SOAT2: variants seen among roughly 807,000 people sequenced by gnomAD.
The protein encoded by SOAT2 is ACAT-2.
SOAT2 carries 87 observed loss-of-function variants against 76.0 expected under a neutral mutation model. That is an observed-to-expected ratio of 1.14 (90% confidence interval 0.96 to 1.37). The LOEUF (loss-of-function observed/expected upper bound fraction) is 1.37. SOAT2 is among the 40% of genes most tolerant of loss of function. The pLI is 0.00. For synonymous variants in SOAT2, 285 were observed against 275.4 expected (o/e 1.03, Z -0.34); for missense variants, 686 against 682.1 (o/e 1.01, Z -0.06).
rs754354832 is a variant in SOAT2, at chr12:53,120,872, A to G, written c.1126A>G (p.Met376Val). 1.2e-6 allele frequency: 2 copies of G among 1,613,504 alleles called. No individual in the cohort carries two copies. Among genetic ancestry groups the G allele is most frequent in the South Asian group, 2.2e-5 (2 of 91,058 alleles). Residue 376 changes from methionine to valine, a missense_variant, in exon 11 of 15, where the codon ATG (methionine) becomes GTG (valine). Physicochemically the swap from Met to Val is conservative, Grantham distance 21 (BLOSUM62 1). Transcript: ENST00000301466. ...FAEMLRFGDR[M>V]FYRDWWNSTS... ...CGAGATGCTACGATTTGGAGACAGG[A>G]TGTTCTACCGGGTGGGGCCTGGACC...
At chr12:53,120,253 A>C (rs1324146984) in intron 10 of SOAT2, among the ~76,000 whole-genome samples, 3 of 152,138 alleles carry the variant, frequency 2.0e-5, no homozygotes, top group Non-Finnish European at 4.4e-5. Context: ...GTGGATCACG[A>C]GGTCAGGAGA....
At chr12:53,110,940 T>A (rs559053738) in intron 5 of SOAT2, among the ~76,000 whole-genome samples, 1 of 152,298 alleles carries the variant, frequency 6.6e-6, no homozygotes, top group South Asian at 2.1e-4. Context: ...AAAAATTAGT[T>A]ACTCTTTAAA....
chr12:53,108,979 C>CAG, intron 5 of SOAT2, among the ~76,000 whole-genome samples: 1 of 152,246 alleles, frequency 6.6e-6, no homozygotes, highest in Non-Finnish European at 1.5e-5. Flanking sequence ...TGGCTCATGC[C>CAG]TGTAATCCCA....
At position 53,103,500 on chromosome 12, in the gene SOAT2, C is replaced by T. The variant is rs1937870192; in HGVS notation, c.-78C>T. ...TCACCTGAGCTGAGTGGGACAAGAGCTCTACAGGGCAGGCCACACTGCGAA... is the reference window on the plus strand; with the variant it reads ...TCACCTGAGCTGAGTGGGACAAGAGTTCTACAGGGCAGGCCACACTGCGAA... On this transcript the variant is annotated 5_prime_UTR_variant, in exon 1 of 15. Transcript: ENST00000301466. 1 of 1,305,754 alleles carries T rather than the reference C, an allele frequency of 7.7e-7. No homozygotes were observed. The highest frequency in any genetic ancestry group is 1.5e-5 in the African/African-American group (1 of 68,482). 80.9% of individuals were successfully genotyped at this position (1,305,754 alleles called of 1,614,324 possible). A position where few individuals can be genotyped will look rare whatever the true frequency, so the allele number is the denominator to read the frequency against.
intron 7 of SOAT2, 138 bp from the exon 8 acceptor site, chr12:53,118,212 G>A (rs922061048): frequency 7.8e-6 from 5 of 636,996 alleles, no homozygotes; most frequent in African/African-American, 1.8e-5. Flanking sequence ...CAGGTCCTAC[G>A]TCCAGCTCCT....
intron 5 of SOAT2, 31 bp from the exon 6 acceptor site, chr12:53,115,359 G>A (rs750434953): frequency 9.7e-5 from 151 of 1,557,646 alleles, no homozygotes; most frequent in Middle Eastern, 1.7e-4. Context: ...GGCTTCACTT[G>A]TCTACTTTGT....
rs572256782 is a variant in SOAT2 at position 53,122,943 on chromosome 12, C to T, written c.1237-138C>T. 8.6e-5 allele frequency: 77 copies of T among 898,340 alleles called. No homozygotes were observed. In the South Asian group the frequency reaches 1.1e-3, roughly 13 times the overall value. The allele number at this position is 898,340 out of a possible 1,614,324, so 55.6% of individuals were successfully genotyped here. On this transcript the variant is annotated intron_variant, in intron 12 of 14. Coordinates refer to ENST00000301466, the MANE Select transcript of SOAT2 (RefSeq NM_003578.4). ...GGCGCCCCTCACCTCCCGGACGGGG[C>T]GGCTGGCCGGGCGGGGGGCTGACCC...
intron 5 of SOAT2, among the ~76,000 whole-genome samples, chr12:53,112,373 C>T (rs1183026152): frequency 1.3e-5 from 2 of 151,942 alleles, no homozygotes. Context: ...ATGGAGAAAT[C>T]CTGTCTCTAC....
In SOAT2 at chr12:53,124,278, C is replaced by G; in HGVS notation, c.*155C>G. The G allele has an allele frequency of 1.4e-6, 1 of 711,060 alleles. No homozygotes were observed. 44.0% of individuals were successfully genotyped at this position (711,060 alleles called of 1,614,324 possible). A position where few individuals can be genotyped will look rare whatever the true frequency, so the allele number is the denominator to read the frequency against. On this transcript the variant is annotated 3_prime_UTR_variant, in exon 15 of 15. Coordinates refer to ENST00000301466, the MANE Select transcript of SOAT2 (RefSeq NM_003578.4). ...CCAAGGAATGTGCAAGGACTGAGAT[C>G]TGCAGACTTGTGGGTAACTGATCAC...
At chr12:53,120,639 A>T (rs899022632) in intron 10 of SOAT2, 147 bp from the exon 11 acceptor site, 3 of 584,256 alleles carry the variant, frequency 5.1e-6, no homozygotes, top group Non-Finnish European at 9.2e-6. Flanking sequence ...AAAAAAAGGA[A>T]TGCATAAATT....
chr12:53,118,818 G>A, intron 8 of SOAT2, 72 bp from the exon 9 acceptor site: 1 of 1,572,328 alleles, frequency 6.4e-7, no homozygotes, highest in Non-Finnish European at 8.8e-7. Context: ...GAGGGCCCCA[G>A]AACCCGTGCC....
In SOAT2 at chr12:53,105,131, C is replaced by G; in HGVS notation, c.163C>G (p.Gln55Glu). ...MEAVKAQLLE[Q>E]AQGQLRELLD... ...GGCTGTGAAGGCACAATTGCTGGAG[C>G]AAGCGCAGGGACAACTGAGGGAGCT... The change falls in exon 3 of 15, where the codon CAA becomes GAA. Residue 55 changes from glutamine (Q) to glutamate (E), a missense_variant. Coordinates refer to ENST00000301466, the MANE Select transcript of SOAT2 (RefSeq NM_003578.4). The G allele has an allele frequency of 1.3e-6, 2 of 1,564,160 alleles. No homozygotes were observed. Among genetic ancestry groups the G allele is most frequent in the Non-Finnish European group, 1.7e-6 (2 of 1,154,082 alleles).
At chr12:53,106,583 G>C (rs1056947303) in intron 5 of SOAT2, among the ~76,000 whole-genome samples, 8 of 152,246 alleles carry the variant, frequency 5.3e-5, no homozygotes, top group African/African-American at 1.2e-4. Flanking sequence ...ACCAAACTGA[G>C]GGTTGGGGCT....
chr12:53,123,307 T>C (rs1592280920), intron 13 of SOAT2, 91 bp downstream of exon 13: 1 of 1,516,022 alleles, frequency 6.6e-7, no homozygotes. Context: ...GTGGGAGGCC[T>C]CGCCCCCAGG....
intron 5 of SOAT2, among the ~76,000 whole-genome samples, chr12:53,112,924 C>A (rs533735777): frequency 6.6e-6 from 1 of 151,694 alleles, no homozygotes; most frequent in Non-Finnish European, 1.5e-5. Context: ...GGATTACAGA[C>A]GTCCGCCACC....
chr12:53,104,988 GTT>G (rs112056253), intron 2 of SOAT2, 117 bp from the exon 3 acceptor site: 15 of 993,910 alleles, frequency 1.5e-5, no homozygotes, highest in African/African-American at 7.0e-5. Flanking sequence ...CCCCCAGGTT[GTT>G]TTTTTTTTTA....
chr12:53,103,497 G>C lies in SOAT2; in HGVS notation c.-81G>C. The C allele has an allele frequency of 5.5e-6, 7 of 1,281,362 alleles. No individual in the cohort carries two copies. The South Asian group carries it at 8.9e-5, about 16-fold the overall frequency. The allele number at this position is 1,281,362 out of a possible 1,614,324, so 79.4% of individuals were successfully genotyped here. On this transcript the variant is annotated 5_prime_UTR_variant, in exon 1 of 15. Transcript: ENST00000301466. ...CTGTCACCTGAGCTGAGTGGGACAA[G>C]AGCTCTACAGGGCAGGCCACACTGC... is the stretch of plus-strand genomic sequence containing the variant.
chr12:53,122,753 C>A (rs184354989), intron 12 of SOAT2, among the ~76,000 whole-genome samples: 145 of 152,316 alleles, frequency 9.5e-4, no homozygotes, highest in Admixed American at 1.7e-3. Flanking sequence ...GACACCGCAA[C>A]CATCCGATTT....
chr12:53,111,441 T>C (rs2121273875), intron 5 of SOAT2, among the ~76,000 whole-genome samples: 1 of 152,280 alleles, frequency 6.6e-6, no homozygotes, highest in East Asian at 1.9e-4. Context: ...ATGATAACAG[T>C]CCTTTCCCAG....
Sources: allele counts gnomAD v4.1 joint callset (sites outside exome capture counted in the v4.1 genomes callset), GRCh38; gene constraint gnomAD v4.1.1; transcripts MANE v1.5; gene names NCBI Gene and HGNC (gene_info 2026-07-23, HGNC 2026-07-21).